The following WDHD1 variants were observed in gnomAD, a reference collection of about 807,000 sequenced individuals.
WDHD1 encodes the protein WD repeat and HMG-box DNA-binding protein 1.
WDHD1 carries 111 observed loss-of-function variants against 135.4 expected under a neutral mutation model. The ratio of observed to expected loss-of-function variants is 0.82; its 90% CI spans 0.70 to 0.96. The LOEUF (loss-of-function observed/expected upper bound fraction) is 0.96. Among genes scored for constraint, WDHD1 ranks in the 40% least tolerant of loss-of-function variants. The probability of loss-of-function intolerance (pLI) is 0.00; values close to 1 mark genes in which losing one functional copy is unlikely to be tolerated. For missense variants in WDHD1, 1,351 were observed against 1,336.3 expected, an observed-to-expected ratio of 1.01 and a Z score of -0.17; for synonymous variants, 434 against 439.0, an observed-to-expected ratio of 0.99 and a Z score of 0.14.
chr14:54,942,369 C>T (rs1201444251), intron 25 of WDHD1, among the ~76,000 whole-genome samples: 1 of 152,080 alleles, frequency 6.6e-6, no homozygotes, highest in East Asian at 1.9e-4. Flanking sequence ...TAGCCTTCAC[C>T]CAGTTTTCCC....
At position 54,949,783 on chromosome 14, in the gene WDHD1, A is replaced by C. The variant is rs186066453; in HGVS notation, c.3051-5313T>G. On this transcript the variant is annotated intron_variant, in intron 24 of 25. Transcript: ENST00000360586. Reference sequence around the variant, plus strand: ...CCACAAAGGGAAGCCCATCAGACTAACAGCTGATCTCTCGGCAGAAACTCT... The same window carrying C: ...CCACAAAGGGAAGCCCATCAGACTACCAGCTGATCTCTCGGCAGAAACTCT... 5.3e-3 allele frequency among the ~76,000 whole-genome samples: 806 copies of C among 152,356 alleles called. 10 individuals are homozygous for C. The highest frequency in any genetic ancestry group is 0.018 in the African/African-American group (762 of 41,578).
intron 7 of WDHD1, among the ~76,000 whole-genome samples, chr14:55,002,474 A>T (rs2041994012): frequency 6.6e-6 from 1 of 152,218 alleles, no homozygotes; most frequent in Admixed American, 6.5e-5. Flanking sequence ...GAAACTCAGA[A>T]CATTACTTAA....
At chr14:54,966,662 C>T (rs2041351079) in intron 17 of WDHD1, 56 bp from the exon 18 acceptor site, 6 of 1,515,774 alleles carry the variant, frequency 4.0e-6, no homozygotes, top group South Asian at 2.6e-5. Flanking sequence ...ATGAGGCAAG[C>T]GTTAAATATT....
chr14:55,004,416 T>G (rs934956511), intron 7 of WDHD1, among the ~76,000 whole-genome samples: 1 of 152,202 alleles, frequency 6.6e-6, no homozygotes, highest in Non-Finnish European at 1.5e-5. Flanking sequence ...AACTTTTCAT[T>G]TTCCACATGG....
intron 13 of WDHD1, among the ~76,000 whole-genome samples, chr14:54,988,782 T>C (rs1272080351): frequency 6.6e-6 from 1 of 151,582 alleles, no homozygotes; most frequent in Non-Finnish European, 1.5e-5. Flanking sequence ...AAATCCCATC[T>C]CTTGCATTAC....
intron 2 of WDHD1, among the ~76,000 whole-genome samples, chr14:55,018,157 A>G (rs1167276395): frequency 6.6e-6 from 1 of 152,198 alleles, no homozygotes; most frequent in African/African-American, 2.4e-5. Flanking sequence ...TCCTACTGTA[A>G]TAATGGTATT....
intron 1 of WDHD1, 33 bp downstream of exon 1, chr14:55,026,995 T>C (rs1594605021): frequency 3.5e-6 from 2 of 563,640 alleles, no homozygotes; most frequent in East Asian, 6.0e-5. Context: ...CGCATCTCCT[T>C]GGTGGACGCG....
At chr14:54,972,719 C>T (rs1203097251) in intron 16 of WDHD1, among the ~76,000 whole-genome samples, 1 of 151,576 alleles carries the variant, frequency 6.6e-6, no homozygotes, top group African/African-American at 2.4e-5. Flanking sequence ...ATTCAGGAGG[C>T]TGAGACAGAA....
chr14:54,941,925 T>C (rs1372664702), intron 25 of WDHD1, among the ~76,000 whole-genome samples: 1 of 152,166 alleles, frequency 6.6e-6, no homozygotes, highest in Non-Finnish European at 1.5e-5. Context: ...TCATATTAGT[T>C]GCAAAATACT....
In WDHD1 at chr14:54,955,587, A is replaced by G; in HGVS notation, c.3024T>C (p.Cys1008=). The change falls in exon 24 of 26, where the codon TGT becomes TGC. Residue 1008 remains cysteine, a synonymous_variant. Coordinates refer to ENST00000360586, the MANE Select transcript of WDHD1 (RefSeq NM_007086.4). ...TTTGGTTTTCAGTGTTTTGAGGAGG[A>G]CATATAGCTGGGGTTTCAGATAATA... The part of the protein sequence containing the change: ...KNVLSETPAI[C]PPQNTENQRP... 6.3e-7 allele frequency: 1 copy of G among 1,589,458 alleles called. No individual in the cohort carries two copies. The highest frequency in any genetic ancestry group is 2.3e-5 in the East Asian group (1 of 43,090).
At chr14:54,994,427 G>A (rs1338801697) in intron 11 of WDHD1, among the ~76,000 whole-genome samples, 1 of 152,010 alleles carries the variant, frequency 6.6e-6, no homozygotes, top group African/African-American at 2.4e-5. Context: ...TATTTCTAAA[G>A]TTTAAAGAGT....
chr14:55,002,434 C>T (rs1401714351), intron 7 of WDHD1, among the ~76,000 whole-genome samples: 1 of 151,948 alleles, frequency 6.6e-6, no homozygotes, highest in Non-Finnish European at 1.5e-5. Flanking sequence ...CTGTGCCAGG[C>T]GCAAATCTGT....
At chr14:55,015,673 G>A (rs1482523177) in intron 2 of WDHD1, among the ~76,000 whole-genome samples, 3 of 151,680 alleles carry the variant, frequency 2.0e-5, no homozygotes, top group South Asian at 4.2e-4. Flanking sequence ...GATGAGAGAA[G>A]TATTTCACGT....
chr14:54,974,725 G>A (rs1322760419), intron 16 of WDHD1, among the ~76,000 whole-genome samples: 2 of 152,086 alleles, frequency 1.3e-5, no homozygotes, highest in African/African-American at 2.4e-5. Flanking sequence ...TACTTGGGAG[G>A]CTGAGGCATA....
At chr14:54,975,979 T>C (rs953292288) in intron 16 of WDHD1, among the ~76,000 whole-genome samples, 1 of 152,210 alleles carries the variant, frequency 6.6e-6, no homozygotes, top group Non-Finnish European at 1.5e-5. Context: ...CTAAGTCACT[T>C]CATCTTCACA....
chr14:54,982,670 C>A lies in WDHD1; in HGVS notation c.1907-974G>T, dbSNP rs1187887. Among the ~76,000 whole-genome samples, 7 of 152,274 alleles carry A rather than the reference C, an allele frequency of 4.6e-5. No individual in the cohort carries two copies. The South Asian group carries it at 1.0e-3, about 23-fold the overall frequency. On this transcript the variant is annotated intron_variant, in intron 15 of 25. Coordinates refer to ENST00000360586, the MANE Select transcript of WDHD1 (RefSeq NM_007086.4). ...CAGGGTCTGGATCTAATTGGTACTT[C>A]GGAGAAAAAAATCTATACAAATGGA...
chr14:55,008,491 T>C, intron 5 of WDHD1, 117 bp downstream of exon 5: 1 of 1,437,096 alleles, frequency 7.0e-7, no homozygotes, highest in East Asian at 2.3e-5. Flanking sequence ...ACTCTCTTAC[T>C]GAATAAAACA....
intron 15 of WDHD1, among the ~76,000 whole-genome samples, chr14:54,982,325 C>G (rs1331776581): frequency 6.6e-6 from 1 of 152,090 alleles, no homozygotes; most frequent in African/African-American, 2.4e-5. Context: ...AATTTTAAAG[C>G]CAATTTTAGT....
intron 24 of WDHD1, among the ~76,000 whole-genome samples, chr14:54,951,940 A>C (rs1032458242): frequency 1.3e-5 from 2 of 152,186 alleles, no homozygotes; most frequent in African/African-American, 4.8e-5. Flanking sequence ...AAATTCAACA[A>C]CGCTTCATGC....
Sources: allele counts gnomAD v4.1 joint callset (sites outside exome capture counted in the v4.1 genomes callset), GRCh38; gene constraint gnomAD v4.1.1; transcripts MANE v1.5; gene names NCBI Gene and HGNC (gene_info 2026-07-23, HGNC 2026-07-21).